SLC9A9: variants seen among roughly 807,000 people sequenced by gnomAD.
SLC9A9 encodes solute carrier family 9 member A9, also known as sodium/hydrogen exchanger 9.
In SLC9A9, 62 loss-of-function variants were observed where a neutral mutation model predicts 77.8. The ratio of observed to expected loss-of-function variants is 0.80; its 90% CI spans 0.65 to 0.98. SLC9A9 has a LOEUF of 0.98. SLC9A9 is among the 50% of genes least tolerant of loss of function. SLC9A9 has a pLI of 0.00. For synonymous variants in SLC9A9, 320 were observed against 283.5 expected (o/e 1.13, Z -1.29); for missense variants, 775 against 774.9 (o/e 1.00, Z 0.00).
chr3:143,770,819 G>C (rs1004728472), intron 4 of SLC9A9, among the ~76,000 whole-genome samples: 4 of 152,084 alleles, frequency 2.6e-5, no homozygotes, highest in African/African-American at 9.7e-5. Context: ...GACGTAAGAT[G>C]AGCTCCTGCA....
rs549859412 is a variant in SLC9A9, at chr3:143,626,514, G to A, written c.755+25741C>T. On this transcript the variant is annotated intron_variant, in intron 6 of 15. Coordinates refer to ENST00000316549, the MANE Select transcript of SLC9A9 (RefSeq NM_173653.4). ...CATCATTCTCAGCAAACTATCGCAA[G>A]GACAAAAAACCAAACACCGCATGTT... is the stretch of plus-strand genomic sequence containing the variant. Among the ~76,000 whole-genome samples the A allele has an allele frequency of 5.9e-3, 901 of 151,944 alleles. 12 individuals carry two copies. Among genetic ancestry groups the A allele is most frequent in the African/African-American group, 0.021 (866 of 41,420 alleles).
At chr3:143,328,128 T>C (rs1182273654) in intron 14 of SLC9A9, among the ~76,000 whole-genome samples, 1 of 152,210 alleles carries the variant, frequency 6.6e-6, no homozygotes, top group Non-Finnish European at 1.5e-5. Flanking sequence ...TAGTGGTAGA[T>C]ACATGTCATT....
At chr3:143,522,048 T>TAACA (rs2036309424) in intron 9 of SLC9A9, among the ~76,000 whole-genome samples, 2 of 152,168 alleles carry the variant, frequency 1.3e-5, no homozygotes, top group Non-Finnish European at 2.9e-5. Flanking sequence ...TTTAGCCAGT[T>TAACA]GTTCCAAGAA....
At chr3:143,564,381 C>T (rs776778100) in intron 8 of SLC9A9, among the ~76,000 whole-genome samples, 2 of 152,020 alleles carry the variant, frequency 1.3e-5, no homozygotes, top group Admixed American at 6.6e-5. Flanking sequence ...CATTTTTGGA[C>T]AGGAATATTG....
chr3:143,624,739 C>T (rs894563770), intron 6 of SLC9A9, among the ~76,000 whole-genome samples: 3 of 152,172 alleles, frequency 2.0e-5, no homozygotes, highest in African/African-American at 7.2e-5. Flanking sequence ...CACTCCTATT[C>T]AACAGAGTGT....
chr3:143,527,826 A>C (rs2036430491), intron 9 of SLC9A9, among the ~76,000 whole-genome samples: 1 of 152,196 alleles, frequency 6.6e-6, no homozygotes, highest in African/African-American at 2.4e-5. Flanking sequence ...GCTTTGCAGG[A>C]AGCAGTGGTC....
chr3:143,639,622 A>T (rs1285127249), intron 6 of SLC9A9, among the ~76,000 whole-genome samples: 2 of 152,228 alleles, frequency 1.3e-5, no homozygotes, highest in African/African-American at 4.8e-5. Context: ...TCTTACTAAA[A>T]GTGAGCAGTT....
chr3:143,512,418 C>T (rs976482779), intron 9 of SLC9A9, among the ~76,000 whole-genome samples: 8 of 152,222 alleles, frequency 5.3e-5, no homozygotes, highest in East Asian at 1.9e-4. Context: ...ACTTAAACTA[C>T]AGGCATACTA....
intron 4 of SLC9A9, among the ~76,000 whole-genome samples, chr3:143,748,649 T>C (rs1935257223): frequency 6.6e-6 from 1 of 151,698 alleles, no homozygotes; most frequent in African/African-American, 2.4e-5. Flanking sequence ...TCTTCTTTCT[T>C]TGAACAGAGG....
chr3:143,707,137 C>T (rs73152889), intron 4 of SLC9A9, among the ~76,000 whole-genome samples: 21,306 of 152,184 alleles, frequency 0.14, 1,485 homozygotes, highest in Middle Eastern at 0.26. Flanking sequence ...GCTCAAACAG[C>T]TACAACCCCA....
chr3:143,294,462 C>A (rs888232900), intron 14 of SLC9A9, among the ~76,000 whole-genome samples: 1 of 152,176 alleles, frequency 6.6e-6, no homozygotes, highest in Admixed American at 6.6e-5. Flanking sequence ...GCATAGAAAT[C>A]TATTAAAAGA....
chr3:143,712,155 T>C (rs553686922), intron 4 of SLC9A9, among the ~76,000 whole-genome samples: 2 of 152,306 alleles, frequency 1.3e-5, no homozygotes, highest in South Asian at 4.1e-4. Flanking sequence ...AAGGCAGAAC[T>C]TGGCCTTTAT....
chr3:143,692,870 T>G (rs947803815), intron 5 of SLC9A9, among the ~76,000 whole-genome samples: 1 of 152,162 alleles, frequency 6.6e-6, no homozygotes, highest in Non-Finnish European at 1.5e-5. Flanking sequence ...AGTTTATGAA[T>G]TTGTGTTGGC....
intron 5 of SLC9A9, among the ~76,000 whole-genome samples, chr3:143,686,943 C>A (rs1192099078): frequency 6.6e-6 from 1 of 152,102 alleles, no homozygotes; most frequent in Non-Finnish European, 1.5e-5. Flanking sequence ...CTGGCTCATT[C>A]ATTGAGCCCT....
intron 4 of SLC9A9, among the ~76,000 whole-genome samples, chr3:143,722,651 T>C (rs1337138756): frequency 6.6e-6 from 1 of 152,060 alleles, no homozygotes; most frequent in African/African-American, 2.4e-5. Flanking sequence ...TTTCTTTTCC[T>C]GTTGTTTTCC....
chr3:143,710,871 C>G (rs1021897314), intron 4 of SLC9A9, among the ~76,000 whole-genome samples: 4 of 152,174 alleles, frequency 2.6e-5, no homozygotes, highest in African/African-American at 7.2e-5. Flanking sequence ...AACAGAAAGC[C>G]CACTGCTTGT....
At position 143,336,031 on chromosome 3, in the gene SLC9A9, G is replaced by C. The variant is rs544972679; in HGVS notation, c.1604+27453C>G. ...ACCACTGATAATGGAGTAATATTCA[G>C]ACTATGTTAAAACTTCTACAATTCA... On this transcript the variant is annotated intron_variant, in intron 14 of 15. Coordinates refer to ENST00000316549, the MANE Select transcript of SLC9A9 (RefSeq NM_173653.4). Among the ~76,000 whole-genome samples, 3 of 152,248 alleles carry C rather than the reference G, an allele frequency of 2.0e-5. No homozygotes were observed. In the South Asian group the frequency reaches 6.2e-4, roughly 32 times the overall value.
At chr3:143,402,197 T>TA (rs1559900221) in intron 12 of SLC9A9, among the ~76,000 whole-genome samples, 4 of 152,060 alleles carry the variant, frequency 2.6e-5, no homozygotes, top group East Asian at 1.9e-4. Context: ...AACAGTTTTT[T>TA]TAAAAAAATT....
chr3:143,507,685 G>A (rs1412205923), intron 9 of SLC9A9, among the ~76,000 whole-genome samples: 1 of 152,166 alleles, frequency 6.6e-6, no homozygotes, highest in Non-Finnish European at 1.5e-5. Flanking sequence ...AAACTCTTAG[G>A]TGGGAGTATG....
Sources: allele counts gnomAD v4.1 joint callset (sites outside exome capture counted in the v4.1 genomes callset), GRCh38; gene constraint gnomAD v4.1.1; transcripts MANE v1.5; gene names NCBI Gene and HGNC (gene_info 2026-07-23, HGNC 2026-07-21).